KCNJ3: variants seen among roughly 807,000 people sequenced by gnomAD.
The protein encoded by KCNJ3 is G protein-activated inward rectifier potassium channel 1.
KCNJ3 carries 4 observed loss-of-function variants against 39.2 expected under a neutral mutation model. The observed-to-expected ratio is 0.10, with a 90% CI of 0.05 to 0.23. The LOEUF is 0.23. Among genes scored for constraint, KCNJ3 ranks in the 10% least tolerant of loss-of-function variants. KCNJ3 has a pLI of 1.00. For synonymous variants in KCNJ3, 230 were observed against 237.4 expected (o/e 0.97, Z 0.29); for missense variants, 276 against 634.9 (o/e 0.43, Z 6.08).
At chr2:154,803,889 AT>A (rs1007808067) in intron 2 of KCNJ3, among the ~76,000 whole-genome samples, 6 of 152,066 alleles carry the variant, frequency 3.9e-5, no homozygotes, top group Non-Finnish European at 7.4e-5. Flanking sequence ...AAATTATGAC[AT>A]TTTAAGTATA....
chr2:154,761,532 TAGG>T (rs1686046534), intron 2 of KCNJ3, among the ~76,000 whole-genome samples: 2 of 152,314 alleles, frequency 1.3e-5, no homozygotes, highest in African/African-American at 2.4e-5. Flanking sequence ...TAGATTTATT[TAGG>T]AGAACTATCA....
At chr2:154,820,174 A>AT (rs997357093) in intron 2 of KCNJ3, among the ~76,000 whole-genome samples, 5 of 151,972 alleles carry the variant, frequency 3.3e-5, no homozygotes, top group African/African-American at 7.2e-5. Context: ...TTCATTAATT[A>AT]TTTTTTCCTT....
At chr2:154,746,652 G>A (rs74380124) in intron 2 of KCNJ3, among the ~76,000 whole-genome samples, 41,644 of 142,976 alleles carry the variant, frequency 0.29, 8,300 homozygotes, top group African/African-American at 0.59. Flanking sequence ...GTATATATAT[G>A]TGTGTGTGTG....
intron 2 of KCNJ3, among the ~76,000 whole-genome samples, chr2:154,850,418 C>G (rs1687739366): frequency 6.6e-6 from 1 of 152,070 alleles, no homozygotes; most frequent in African/African-American, 2.4e-5. Flanking sequence ...TAAATCTTCT[C>G]AGTTGAAATT....
chr2:154,824,348 A>G (rs534897703), intron 2 of KCNJ3, among the ~76,000 whole-genome samples: 1 of 152,146 alleles, frequency 6.6e-6, no homozygotes, highest in Non-Finnish European at 1.5e-5. Context: ...GAAAAATAAA[A>G]TAGAAATAAA....
chr2:154,836,241 CAAAAA>C (rs138197731), intron 2 of KCNJ3, among the ~76,000 whole-genome samples: 1 of 82,488 alleles, frequency 1.2e-5, no homozygotes, highest in South Asian at 4.1e-4. Context: ...AAAAAAAAAA[CAAAAA>C]AAAACAACTA....
At chr2:154,707,365 A>T (rs954481883) in intron 1 of KCNJ3, among the ~76,000 whole-genome samples, 10 of 152,194 alleles carry the variant, frequency 6.6e-5, no homozygotes, top group African/African-American at 2.2e-4. Flanking sequence ...AGCCAAAATT[A>T]CTTATGTCTG....
chr2:154,747,977 T>C (rs978431912), intron 2 of KCNJ3, among the ~76,000 whole-genome samples: 6 of 151,882 alleles, frequency 4.0e-5, no homozygotes, highest in African/African-American at 1.5e-4. Context: ...TCAAGTTTTC[T>C]GGATAAAGTA....
Position 154,700,168 on chromosome 2 carries a change from C to T in KCNJ3, c.702+691C>T, listed in dbSNP as rs1217346970. Among the ~76,000 whole-genome samples the T allele has an allele frequency of 3.9e-5, 6 of 152,240 alleles. No homozygotes were observed. The East Asian group carries it at 1.2e-3, about 29-fold the overall frequency. ...AGCTTGAGTGCTTTTCCTGTAGAGC[C>T]TCTTGTTAATTTTATTCTTAATTGC... On this transcript the variant is annotated intron_variant, in intron 1 of 2. Coordinates refer to ENST00000295101, the MANE Select transcript of KCNJ3 (RefSeq NM_002239.4).
At chr2:154,761,917 T>C (rs1686052706) in intron 2 of KCNJ3, among the ~76,000 whole-genome samples, 1 of 152,190 alleles carries the variant, frequency 6.6e-6, no homozygotes, top group East Asian at 1.9e-4. Context: ...TGTGGTTATG[T>C]TAAGTATCAT....
intron 2 of KCNJ3, among the ~76,000 whole-genome samples, chr2:154,845,024 T>A (rs953978496): frequency 6.6e-6 from 1 of 152,222 alleles, no homozygotes; most frequent in African/African-American, 2.4e-5. Flanking sequence ...ATCACCTGTC[T>A]TCTGCGTTGA....
chr2:154,716,267 G>A (rs932251024), intron 2 of KCNJ3, among the ~76,000 whole-genome samples: 1 of 134,976 alleles, frequency 7.4e-6, no homozygotes, highest in Non-Finnish European at 1.6e-5. Flanking sequence ...CTGCCACCAC[G>A]GCCGGCTAAT....
intron 2 of KCNJ3, among the ~76,000 whole-genome samples, chr2:154,772,345 A>C (rs1686257605): frequency 1.3e-5 from 2 of 152,172 alleles, no homozygotes; most frequent in Admixed American, 6.5e-5. Context: ...TATAAAAAAG[A>C]GAGAGAACAA....
chr2:154,798,270 G>A lies in KCNJ3; in HGVS notation c.920-56457G>A, dbSNP rs574414152. On this transcript the variant is annotated intron_variant, in intron 2 of 2. Transcript: ENST00000295101. ...CAGCACTCCTGCCCACTACAACACC[G>A]AATGAAAGACATATGGTTAAACTTA... Among the ~76,000 whole-genome samples, 74 of 151,186 alleles carry A rather than the reference G, an allele frequency of 4.9e-4. 2 individuals carry two copies. The South Asian group carries it at 0.013, about 27-fold the overall frequency.
intron 2 of KCNJ3, among the ~76,000 whole-genome samples, chr2:154,798,415 T>A (rs1057070048): frequency 2.0e-5 from 3 of 152,172 alleles, no homozygotes; most frequent in Admixed American, 6.6e-5. Flanking sequence ...TGAGAACTTG[T>A]CAAGTTTATT....
intron 2 of KCNJ3, among the ~76,000 whole-genome samples, chr2:154,775,594 T>TA (rs528930211): frequency 4.6e-5 from 7 of 152,132 alleles, no homozygotes; most frequent in Non-Finnish European, 7.4e-5. Context: ...TAAGTAAACA[T>TA]AAAAAAATCA....
chr2:154,701,309 C>T (rs1159802909), intron 1 of KCNJ3, among the ~76,000 whole-genome samples: 1 of 152,040 alleles, frequency 6.6e-6, no homozygotes, highest in Non-Finnish European at 1.5e-5. Flanking sequence ...TGGAAATTGA[C>T]AATTAGACAT....
intron 2 of KCNJ3, among the ~76,000 whole-genome samples, chr2:154,817,509 C>T (rs1011940201): frequency 6.6e-6 from 1 of 152,116 alleles, no homozygotes; most frequent in Non-Finnish European, 1.5e-5. Context: ...ATTAAAGTCT[C>T]TCTAATGAGT....
chr2:154,720,820 A>G (rs1019333748), intron 2 of KCNJ3, among the ~76,000 whole-genome samples: 2 of 152,102 alleles, frequency 1.3e-5, no homozygotes, highest in East Asian at 3.9e-4. Flanking sequence ...CTTTTTCTTC[A>G]CTAAGGGTTT....
Sources: allele counts gnomAD v4.1 joint callset (sites outside exome capture counted in the v4.1 genomes callset), GRCh38; gene constraint gnomAD v4.1.1; transcripts MANE v1.5; gene names NCBI Gene and HGNC (gene_info 2026-07-23, HGNC 2026-07-21).